Variants in HHAT observed in about 807,000 individuals in gnomAD.
HHAT encodes the protein protein-cysteine N-palmitoyltransferase HHAT.
In HHAT, 47 loss-of-function variants were observed where a neutral mutation model predicts 70.8. The ratio of observed to expected loss-of-function variants is 0.66; its 90% confidence interval spans 0.53 to 0.85. HHAT has a LOEUF of 0.85. Among genes scored for constraint, HHAT ranks in the 40% least tolerant of loss-of-function variants. HHAT has a pLI of 0.00. For missense variants in HHAT, 609 were observed against 604.8 expected, an observed-to-expected ratio of 1.01 and a Z score of -0.07; for synonymous variants, 228 against 247.6, an observed-to-expected ratio of 0.92 and a Z score of 0.74.
chr1:210,639,015 G>A (rs1672476005), intron 11 of HHAT, among the ~76,000 whole-genome samples: 1 of 152,180 alleles, frequency 6.6e-6, no homozygotes, highest in Non-Finnish European at 1.5e-5. Flanking sequence ...GGTGATTTAT[G>A]TGATATGCAA....
intron 8 of HHAT, among the ~76,000 whole-genome samples, chr1:210,491,064 A>AGTGTGT (rs1553242999): frequency 2.8e-5 from 1 of 36,182 alleles, no homozygotes; most frequent in African/African-American, 6.7e-5. Flanking sequence ...ACACACACAT[A>AGTGTGT]GTGTGTGTGT....
At position 210,549,126 on chromosome 1, in the gene HHAT, A is replaced by AGATAAAACTTTATCATCACAAGGAACTAC. The variant is rs1193232311; in HGVS notation, c.1043+35938_1043+35939insGATAAAACTTTATCATCACAAGGAACTAC. On this transcript the variant is annotated intron_variant, in intron 9 of 11. Coordinates refer to ENST00000261458, the MANE Select transcript of HHAT (RefSeq NM_018194.6). The stretch of plus-strand genomic sequence containing the variant: ...TTTGCTCACCTGTAAAATTGGGATA[A>AGATAAAACTTTATCATCACAAGGAACTAC]TAACGGCATTTACCTTGTAGGGTTG... Among the ~76,000 whole-genome samples the AGATAAAACTTTATCATCACAAGGAACTAC allele has an allele frequency of 1.1e-4, 14 of 131,864 alleles. No homozygotes were observed. In the East Asian group the frequency reaches 1.2e-3, roughly 11 times the overall value. The allele number at this position is 131,864 out of a possible 152,430, so 86.5% of individuals were successfully genotyped here. A position where few individuals can be genotyped will look rare whatever the true frequency, so the allele number is the denominator to read the frequency against.
chr1:210,638,793 T>C (rs2148907111), intron 11 of HHAT, among the ~76,000 whole-genome samples: 1 of 151,600 alleles, frequency 6.6e-6, no homozygotes, highest in East Asian at 1.9e-4. Flanking sequence ...TAGTCCCAGC[T>C]TCTCTGGAGG....
intron 3 of HHAT, among the ~76,000 whole-genome samples, chr1:210,366,929 A>G (rs2089044099): frequency 6.6e-6 from 1 of 152,188 alleles, no homozygotes; most frequent in South Asian, 2.1e-4. Context: ...AGTTCCTGAC[A>G]CTTCCCTGCC....
At chr1:210,456,956 A>G (rs1033419128) in intron 7 of HHAT, among the ~76,000 whole-genome samples, 1 of 152,044 alleles carries the variant, frequency 6.6e-6, no homozygotes, top group Non-Finnish European at 1.5e-5. Context: ...GCTGTTCCTC[A>G]GTTCTGCCCA....
chr1:210,379,606 C>T (rs541800092), intron 3 of HHAT, among the ~76,000 whole-genome samples: 2 of 152,176 alleles, frequency 1.3e-5, no homozygotes, highest in Non-Finnish European at 2.9e-5. Context: ...GGATCTTGAA[C>T]AGCTGAATTC....
intron 8 of HHAT, among the ~76,000 whole-genome samples, chr1:210,481,665 G>A (rs1384734026): frequency 2.0e-5 from 3 of 152,208 alleles, no homozygotes; most frequent in Non-Finnish European, 4.4e-5. Context: ...ATTGGGTGAT[G>A]TACATATTTT....
intron 11 of HHAT, among the ~76,000 whole-genome samples, chr1:210,651,093 G>A (rs1282810399): frequency 3.3e-5 from 5 of 152,182 alleles, no homozygotes; most frequent in African/African-American, 9.7e-5. Flanking sequence ...ACAGGAGAAA[G>A]AGAACACTTG....
intron 7 of HHAT, among the ~76,000 whole-genome samples, chr1:210,426,493 T>C (rs1313856618): frequency 6.6e-6 from 1 of 152,210 alleles, no homozygotes; most frequent in East Asian, 1.9e-4. Context: ...TAGATGGCTT[T>C]TATTATTTTG....
chr1:210,375,130 T>C (rs2090080724), intron 3 of HHAT, among the ~76,000 whole-genome samples: 1 of 127,134 alleles, frequency 7.9e-6, no homozygotes, highest in South Asian at 2.3e-4. Context: ...TATATGTGGT[T>C]TTATCACATG....
intron 7 of HHAT, among the ~76,000 whole-genome samples, chr1:210,421,137 C>T (rs190116315): frequency 6.6e-6 from 1 of 152,054 alleles, no homozygotes; most frequent in Non-Finnish European, 1.5e-5. Flanking sequence ...AAAAAAACCC[C>T]TAAAATTTGT....
intron 9 of HHAT, among the ~76,000 whole-genome samples, chr1:210,545,407 C>A (rs375564922): frequency 2.0e-5 from 3 of 151,060 alleles, no homozygotes; most frequent in Non-Finnish European, 4.4e-5. Context: ...CCCTTCACAA[C>A]TCAATTTAGT....
chr1:210,498,976 G>A (rs779221014), intron 8 of HHAT, among the ~76,000 whole-genome samples: 1 of 151,932 alleles, frequency 6.6e-6, no homozygotes, highest in African/African-American at 2.4e-5. Flanking sequence ...CACCATGTTG[G>A]CCAGGATGGT....
At chr1:210,671,189 C>A (rs1327414264) in intron 11 of HHAT, among the ~76,000 whole-genome samples, 3 of 152,200 alleles carry the variant, frequency 2.0e-5, no homozygotes, top group Non-Finnish European at 4.4e-5. Flanking sequence ...ATTGGCCCAT[C>A]TTCACAGCTG....
chr1:210,573,467 C>G (rs1456249709), intron 9 of HHAT, among the ~76,000 whole-genome samples: 1 of 152,224 alleles, frequency 6.6e-6, no homozygotes, highest in Non-Finnish European at 1.5e-5. Flanking sequence ...TCGTTGGCCT[C>G]CTGGACCCCA....
chr1:210,458,268 C>T (rs1002395728), intron 7 of HHAT, among the ~76,000 whole-genome samples: 2 of 152,122 alleles, frequency 1.3e-5, no homozygotes, highest in Non-Finnish European at 2.9e-5. Flanking sequence ...TAAAAATTAA[C>T]AGTGGGATAA....
intron 3 of HHAT, among the ~76,000 whole-genome samples, chr1:210,364,925 A>G (rs983587641): frequency 6.6e-6 from 1 of 152,196 alleles, no homozygotes; most frequent in Non-Finnish European, 1.5e-5. Context: ...AAATCTGTCC[A>G]TCCCTCTGTC....
intron 8 of HHAT, among the ~76,000 whole-genome samples, chr1:210,508,719 A>G (rs2094904854): frequency 1.3e-5 from 2 of 152,182 alleles, no homozygotes; most frequent in African/African-American, 4.8e-5. Flanking sequence ...TTTTCATTTT[A>G]TATATGTTCA....
In HHAT at chr1:210,512,353, C is replaced by T. The variant is rs533643335; in HGVS notation, c.1008-800C>T. Among the ~76,000 whole-genome samples, 6 of 152,208 alleles carry T rather than the reference C, an allele frequency of 3.9e-5. No individual in the cohort carries two copies. In the South Asian group the frequency reaches 1.2e-3, roughly 32 times the overall value. ...GCCCCACCCCCCCTCACCTGCTTCC[C>T]TTTGGCTAGTGTGGTGTTGGGCTTT... On this transcript the variant is annotated intron_variant, in intron 8 of 11. Transcript: ENST00000261458.
Sources: gnomAD v4.1 joint callset for allele counts (sites outside exome capture counted in the v4.1 genomes callset) on GRCh38, gnomAD v4.1.1 for gene constraint, MANE v1.5 for transcripts, NCBI Gene and HGNC (gene_info 2026-07-23, HGNC 2026-07-21) for gene names.